The following FCSK variants were observed in gnomAD, a reference collection of about 807,000 sequenced individuals.
FCSK encodes L-fucose kinase.
FCSK carries 123 observed loss-of-function variants against 122.5 expected under a neutral mutation model. The ratio of observed to expected loss-of-function variants is 1.00; its 90% CI spans 0.87 to 1.17. The LOEUF is 1.17. FCSK is among the 50% of genes most tolerant of loss of function. The pLI is 0.00. For missense variants in FCSK, 1,366 were observed against 1,450.4 expected (o/e 0.94, Z 0.95); for synonymous variants, 620 against 625.5 (o/e 0.99, Z 0.13).
rs758752837 is a variant in FCSK, at chr16:70,474,679, C to T, written c.2140C>T (p.Arg714Cys). 6.9e-6 allele frequency: 11 copies of T among 1,600,960 alleles called. No individual in the cohort carries two copies. The highest frequency in any genetic ancestry group is 4.0e-5 in the African/African-American group (3 of 74,818). ...GTGGGTGGTGGCTGAGTGCCCGGCC[C>T]GTGTGGATTTCTCTGGTGAGCCCCT... ...GQWVVAECPA[R>C]VDFSGGWSDT... is the part of the protein sequence containing the mutation. Residue 714 changes from arginine to cysteine, a missense_variant, in exon 17 of 24, where the codon CGT becomes TGT. By Grantham distance (180) the Arg-to-Cys change is radical. Transcript: ENST00000288078.
rs1327416537 is a variant in FCSK, at chr16:70,469,133, C to T, written c.784-19C>T. The T allele has an allele frequency of 6.2e-7, 1 of 1,613,776 alleles. No homozygotes were observed. The highest frequency in any genetic ancestry group is 1.1e-5 in the South Asian group (1 of 91,072). On this transcript the variant is annotated intron_variant, in intron 9 of 23. Transcript: ENST00000288078. ...AACCCCTGCCATGCCAATAGCTGTGCTTCTTCCCCTTCCCCTAGCTGTCTC... is the reference window on the plus strand; with the variant it reads ...AACCCCTGCCATGCCAATAGCTGTGTTTCTTCCCCTTCCCCTAGCTGTCTC...
intron 14 of FCSK, 86 bp downstream of exon 14, chr16:70,472,691 G>C (rs1490627254): frequency 1.8e-6 from 2 of 1,120,564 alleles, no homozygotes; most frequent in East Asian, 5.1e-5. Flanking sequence ...CCCTGCCCCA[G>C]AGCAGCACGG....
chr16:70,472,542 G>A lies in FCSK; in HGVS notation c.1343G>A (p.Arg448Lys), dbSNP rs767523836. 1.9e-6 allele frequency: 3 copies of A among 1,611,832 alleles called. No homozygotes were observed. The change falls in exon 14 of 24, where the codon AGA (arginine) becomes AAA (lysine). Residue 448 changes from arginine to lysine, a missense_variant and splice_region_variant. Arg to Lys is a conservative substitution (Grantham distance 26). Coordinates refer to ENST00000288078, the MANE Select transcript of FCSK (RefSeq NM_145059.3). ...TGACTGCTTCTTCCTCTCCCCCAGAGACAGGGGGCAGGCACATATCTCAAC... is the reference window on the plus strand; with the variant it reads ...TGACTGCTTCTTCCTCTCCCCCAGAAACAGGGGGCAGGCACATATCTCAAC... ...TLVGRLDSWE[R>K]QGAGTYLNVP...
intron 11 of FCSK, 52 bp from the exon 12 acceptor site, chr16:70,470,919 G>T: frequency 6.8e-7 from 1 of 1,480,408 alleles, no homozygotes. Context: ...AGGAGAGCTG[G>T]GGCAGCCCTG....
At chr16:70,478,935 T>C in intron 22 of FCSK, 1 of 689,374 alleles carries the variant, frequency 1.5e-6, no homozygotes, top group Non-Finnish European at 2.6e-6. Flanking sequence ...CTGGGCAGGG[T>C]CCCCAGTGTG....
At chr16:70,455,319 T>A (rs997696283) in intron 1 of FCSK, among the ~76,000 whole-genome samples, 5 of 152,176 alleles carry the variant, frequency 3.3e-5, no homozygotes, top group African/African-American at 1.2e-4. Context: ...CAGATGAGGC[T>A]GTATTGAAAG....
intron 1 of FCSK, chr16:70,458,008 G>A (rs761990578): frequency 6.6e-6 from 1 of 151,450 alleles, no homozygotes; most frequent in Non-Finnish European, 1.5e-5. Flanking sequence ...GCGTCTCCTG[G>A]CCTCTGTGAA....
chr16:70,463,870 C>A, intron 3 of FCSK, 96 bp downstream of exon 3: 2 of 1,332,130 alleles, frequency 1.5e-6, no homozygotes, highest in Non-Finnish European at 2.0e-6. Flanking sequence ...TCGCCTTGGC[C>A]AACTCAGCAT....
chr16:70,463,828 C>A (rs188853952), intron 3 of FCSK, 54 bp downstream of exon 3: 4 of 1,530,506 alleles, frequency 2.6e-6, no homozygotes, highest in Non-Finnish European at 8.8e-7. Flanking sequence ...GGAACCAGGT[C>A]ATTTCTGAGA....
chr16:70,467,516 C>T, intron 7 of FCSK, 45 bp downstream of exon 7: 1 of 1,439,088 alleles, frequency 6.9e-7, no homozygotes, highest in Non-Finnish European at 9.5e-7. Context: ...CAGCCTTCCT[C>T]CTGTCAGTGG....
At chr16:70,471,484 T>C in intron 13 of FCSK, 132 bp downstream of exon 13, 1 of 922,742 alleles carries the variant, frequency 1.1e-6, no homozygotes, top group Non-Finnish European at 1.6e-6. Context: ...GGGTCGGATG[T>C]AGGGAGGAGA....
chr16:70,468,257 AC>A (rs1322088324), intron 8 of FCSK, among the ~76,000 whole-genome samples: 1 of 152,146 alleles, frequency 6.6e-6, no homozygotes, highest in African/African-American at 2.4e-5. Context: ...CCCTGTCTCT[AC>A]TAAATACAAC....
chr16:70,471,814 T>TG (rs1170014653), intron 13 of FCSK, among the ~76,000 whole-genome samples: 11 of 145,452 alleles, frequency 7.6e-5, no homozygotes, highest in African/African-American at 2.8e-4. Flanking sequence ...GGGTTGTTGT[T>TG]TTTTTTTTTT....
rs1415012749 is a variant in FCSK at position 70,469,266 on chromosome 16, C to T, written c.898C>T (p.Leu300=). Residue 300 remains leucine (L), a synonymous_variant, in exon 10 of 24, where the codon CTG becomes TTG. Transcript: ENST00000288078. ...AGGCGATGCAGATGTAGCGGGTTAT[C>T]TGCAGAGCGCCCGGGCCCAGCTGTG... The part of the protein sequence containing the change: ...GQGDADVAGY[L]QSARAQLWRE... The T allele has an allele frequency of 1.2e-6, 2 of 1,613,156 alleles. No individual in the cohort carries two copies. The highest frequency in any genetic ancestry group is 1.7e-6 in the Non-Finnish European group (2 of 1,179,906).
At chr16:70,458,542 C>T (rs2048165699) in intron 1 of FCSK, among the ~76,000 whole-genome samples, 1 of 151,906 alleles carries the variant, frequency 6.6e-6, no homozygotes. Context: ...TCTTGGCTCA[C>T]TGCAACCTCC....
chr16:70,462,277 T>G (rs949021098), intron 1 of FCSK: 2 of 150,952 alleles, frequency 1.3e-5, no homozygotes, highest in Admixed American at 6.6e-5. Context: ...TCTTCCAAAG[T>G]GCTGGGATTA....
rs369090482 is a variant in FCSK at position 70,478,401 on chromosome 16, A to G, written c.2771A>G (p.Asn924Ser). The G allele has an allele frequency of 1.8e-5, 29 of 1,614,078 alleles. No homozygotes were observed. The highest frequency in any genetic ancestry group is 1.6e-4 in the Middle Eastern group (1 of 6,084). Residue 924 changes from asparagine to serine, a missense_variant, in exon 21 of 24, where the codon AAT becomes AGT. By Grantham distance (46) the Asn-to-Ser change is conservative. Transcript: ENST00000288078. ...CCTGAGGGCTTTGTCCAGAAGCTCA[A>G]TGACCACCTGCTCTTGGTGTACACT... Reference protein sequence around the residue: ...TVPEGFVQKLNDHLLLVYTGK... With the variant: ...TVPEGFVQKLSDHLLLVYTGK...
Position 70,475,714 on chromosome 16 carries a change from G to A in FCSK, c.2588G>A (p.Gly863Asp). The change falls in exon 20 of 24, where the codon GGC becomes GAC. Residue 863 changes from glycine to aspartate, a missense_variant. Gly to Asp is a moderately conservative substitution (Grantham distance 94). Coordinates refer to ENST00000288078, the MANE Select transcript of FCSK (RefSeq NM_145059.3). ...CAGCGAGCCGCAGGCCGGGTGGTGG[G>A]CACGGAAGCCCTGATCCACGCAGTG... ...ALQRAAGRVV[G>D]TEALIHAVLH... is the part of the protein sequence containing the mutation. 6.2e-7 allele frequency: 1 copy of A among 1,602,740 alleles called. No homozygotes were observed.
At chr16:70,467,353 C>A in intron 6 of FCSK, 21 bp from the exon 7 acceptor site, 1 of 1,580,720 alleles carries the variant, frequency 6.3e-7, no homozygotes, top group Non-Finnish European at 8.6e-7. Flanking sequence ...CTGGGAGCCT[C>A]CTGACTGCCC....
Sources: allele counts gnomAD v4.1 joint callset (sites outside exome capture counted in the v4.1 genomes callset), GRCh38; gene constraint gnomAD v4.1.1; transcripts MANE v1.5; gene names NCBI Gene and HGNC (gene_info 2026-07-23, HGNC 2026-07-21).